TMEM132B: variants seen among roughly 807,000 people sequenced by gnomAD.
TMEM132B encodes transmembrane protein 132B.
TMEM132B carries 18 observed loss-of-function variants against 90.8 expected under a neutral mutation model. That is an observed-to-expected ratio of 0.20 (90% CI 0.14 to 0.29). The LOEUF (loss-of-function observed/expected upper bound fraction) is 0.29. Among genes scored for constraint, TMEM132B ranks in the 10% least tolerant of loss-of-function variants. The pLI, the probability that TMEM132B is intolerant of heterozygous loss-of-function variation, is 1.00. For missense variants in TMEM132B, 1,096 were observed against 1,326.8 expected (o/e 0.83, Z 2.70); for synonymous variants, 504 against 523.3 (o/e 0.96, Z 0.50).
chr12:125,643,946 G>A, intron 5 of TMEM132B, 130 bp from the exon 6 acceptor site: 1 of 756,960 alleles, frequency 1.3e-6, no homozygotes, highest in Non-Finnish European at 2.2e-6. Context: ...TTTTGTACAA[G>A]TTCTGTTCAT....
Position 125,492,943 on chromosome 12 carries a change from G to T in TMEM132B, c.1107-26496G>T, listed in dbSNP as rs1250761884. ...ACTATCTAAGGACGAATGGCAAAGA[G>T]CCTTGTGAATGAGAAATACCAGGCA... On this transcript the variant is annotated intron_variant, in intron 3 of 8. Coordinates refer to ENST00000682704, the MANE Select transcript of TMEM132B (RefSeq NM_001366854.1). The surrounding 1 kb of genome is among the most constrained non-coding windows in gnomAD (Gnocchi z 5.8). Among the ~76,000 whole-genome samples the T allele has an allele frequency of 6.6e-6, 1 of 152,210 alleles. No individual in the cohort carries two copies. The highest frequency in any genetic ancestry group is 1.5e-5 in the Non-Finnish European group (1 of 68,034).
At chr12:125,260,922 T>TAGTG (rs138498920) in intron 1 of TMEM132B, among the ~76,000 whole-genome samples, 6 of 148,152 alleles carry the variant, frequency 4.0e-5, no homozygotes, top group Non-Finnish European at 3.0e-5. Flanking sequence ...TCTCTACAGA[T>TAGTG]TGTGTGTGTG....
chr12:125,574,624 C>T (rs2136839666), intron 4 of TMEM132B, among the ~76,000 whole-genome samples: 1 of 152,246 alleles, frequency 6.6e-6, no homozygotes, highest in East Asian at 1.9e-4. Flanking sequence ...ATATTTAGGG[C>T]TGCTCACTCG....
At chr12:125,273,824 C>T (rs1298937480) in intron 1 of TMEM132B, among the ~76,000 whole-genome samples, 3 of 152,124 alleles carry the variant, frequency 2.0e-5, no homozygotes, top group Non-Finnish European at 2.9e-5. Flanking sequence ...TACCACCACA[C>T]GGGCTAATTT....
chr12:125,421,238 C>T (rs1880156624), intron 3 of TMEM132B, among the ~76,000 whole-genome samples: 3 of 152,228 alleles, frequency 2.0e-5, no homozygotes, highest in African/African-American at 7.2e-5. Flanking sequence ...CTACCTGTAC[C>T]AACTTACTGT....
intron 3 of TMEM132B, among the ~76,000 whole-genome samples, chr12:125,516,894 G>A (rs1382846442): frequency 6.6e-6 from 1 of 152,224 alleles, no homozygotes; most frequent in African/African-American, 2.4e-5. Context: ...CGTAGGAGGT[G>A]ACTTAACAGA....
rs77891946 is a variant in TMEM132B at position 125,605,578 on chromosome 12, T to C, written c.1437+21584T>C. 2.3e-3 allele frequency among the ~76,000 whole-genome samples: 349 copies of C among 152,328 alleles called. 2 individuals carry two copies. The highest frequency in any genetic ancestry group is 4.4e-3 in the Non-Finnish European group (297 of 68,030). On this transcript the variant is annotated intron_variant, in intron 5 of 8. Transcript: ENST00000682704. ...CATGTCAGTTGAGCAGAATTCCCTA[T>C]ATTAGTATGAAAAATCTCTCCTCTT...
Position 125,583,988 on chromosome 12 carries a change from C to T in TMEM132B, c.1431C>T (p.Val477=), listed in dbSNP as rs2136870064. The change falls in exon 5 of 9, where the codon GTC becomes GTT. Residue 477 remains valine, a synonymous_variant. Coordinates refer to ENST00000682704, the MANE Select transcript of TMEM132B (RefSeq NM_001366854.1). The part of the protein sequence containing the change: ...SVECKSADED[V]IKVSNNCDSI... ...AATGCAAGTCTGCCGATGAAGATGT[C>T]ATTAAGGTAAGGGGGGATTTATCTA... 1.2e-6 allele frequency: 2 copies of T among 1,614,152 alleles called. No individual in the cohort carries two copies. The highest frequency in any genetic ancestry group is 3.3e-4 in the Middle Eastern group (2 of 6,062).
In TMEM132B at chr12:125,415,147, C is replaced by T. The variant is rs1228668567; in HGVS notation, c.960-384C>T. ...TCTTCTGGCCTTGCACAACCCACCC[C>T]GCATCTTAAAGACTCTTCTCCATCT... On this transcript the variant is annotated intron_variant, in intron 2 of 8. Transcript: ENST00000682704. This position sits in a 1 kb window ranked among gnomAD's most constrained non-coding sequence, Gnocchi z 5.3. 6.6e-6 allele frequency among the ~76,000 whole-genome samples: 1 copy of T among 152,134 alleles called. No individual in the cohort carries two copies. The highest frequency in any genetic ancestry group is 1.5e-5 in the Non-Finnish European group (1 of 68,028).
rs568127539 is a variant in TMEM132B, at chr12:125,407,444, G to T, written c.960-8087G>T. ...CACAGAGCAGGTTTCCTTTTGCCCA[G>T]CTAGGTGGTGGATGCTATGGGCTGG... is the stretch of plus-strand genomic sequence containing the variant. On this transcript the variant is annotated intron_variant, in intron 2 of 8. Coordinates refer to ENST00000682704, the MANE Select transcript of TMEM132B (RefSeq NM_001366854.1). This position sits in a 1 kb window ranked among gnomAD's most constrained non-coding sequence, Gnocchi z 6.7. Among the ~76,000 whole-genome samples the T allele has an allele frequency of 6.6e-6, 1 of 152,238 alleles. No individual in the cohort carries two copies. Among genetic ancestry groups the T allele is most frequent in the African/African-American group, 2.4e-5 (1 of 41,466 alleles).
chr12:125,355,013 G>A (rs1340440317), intron 2 of TMEM132B, among the ~76,000 whole-genome samples: 2 of 151,960 alleles, frequency 1.3e-5, no homozygotes, highest in Non-Finnish European at 2.9e-5. Context: ...TGGTGGAATT[G>A]GGGTGCAGGC....
rs759790112 is a variant in TMEM132B at position 125,492,905 on chromosome 12, G to A, written c.1107-26534G>A. On this transcript the variant is annotated intron_variant, in intron 3 of 8. Transcript: ENST00000682704. The surrounding 1 kb of genome is among the most constrained non-coding windows in gnomAD (Gnocchi z 5.8). The stretch of plus-strand genomic sequence containing the variant: ...CAGGAAGGGAGATGAAAATAAACCC[G>A]TGAAGATAGATAACTATCTAAGGAC... Among the ~76,000 whole-genome samples the A allele has an allele frequency of 6.6e-6, 1 of 152,178 alleles. No homozygotes were observed. The highest frequency in any genetic ancestry group is 1.5e-5 in the Non-Finnish European group (1 of 68,028).
intron 2 of TMEM132B, among the ~76,000 whole-genome samples, chr12:125,392,384 T>G (rs1879050295): frequency 6.6e-6 from 1 of 152,174 alleles, no homozygotes; most frequent in Admixed American, 6.5e-5. Flanking sequence ...TGGAAATACA[T>G]TCACTCGCTT....
intron 1 of TMEM132B, among the ~76,000 whole-genome samples, chr12:125,319,912 A>G (rs564632835): frequency 4.6e-5 from 7 of 152,020 alleles, no homozygotes; most frequent in Non-Finnish European, 1.0e-4. Flanking sequence ...GCCACTTGGG[A>G]GGCTGAGGTG....
chr12:125,454,990 A>G (rs1881253974), intron 3 of TMEM132B, among the ~76,000 whole-genome samples: 1 of 152,252 alleles, frequency 6.6e-6, no homozygotes, highest in Non-Finnish European at 1.5e-5. Context: ...AAGGCCCTCA[A>G]GCAATCTGAA....
rs540650400 is a variant in TMEM132B, at chr12:125,374,637, C to G, written c.959+24294C>G. On this transcript the variant is annotated intron_variant, in intron 2 of 8. Transcript: ENST00000682704. ...GCAGAGATCCCTCTGCCCTGCACCC[C>G]CCGACCCCGCCCCGCCCCGGCTTCT... Among the ~76,000 whole-genome samples the G allele has an allele frequency of 6.4e-4, 97 of 151,920 alleles. 2 individuals are homozygous for G. In the South Asian group the frequency reaches 0.019, roughly 30 times the overall value.
intron 1 of TMEM132B, among the ~76,000 whole-genome samples, chr12:125,203,083 C>T (rs766996442): frequency 1.5e-4 from 23 of 152,186 alleles, no homozygotes; most frequent in Non-Finnish European, 2.5e-4. Context: ...CAGAAGCTTA[C>T]GTCTGCCTCT....
intron 2 of TMEM132B, among the ~76,000 whole-genome samples, chr12:125,372,169 G>A (rs1442206396): frequency 6.6e-6 from 1 of 152,186 alleles, no homozygotes; most frequent in Non-Finnish European, 1.5e-5. Context: ...TTGGAATCTA[G>A]CATTTATCCC....
At chr12:125,409,063 A>G (rs4036451) in intron 2 of TMEM132B, among the ~76,000 whole-genome samples, 4 of 152,144 alleles carry the variant, frequency 2.6e-5, no homozygotes, top group African/African-American at 9.7e-5. Context: ...CTTGGCTTCA[A>G]CTGTTATGGA....
Sources: allele counts gnomAD v4.1 joint callset (sites outside exome capture counted in the v4.1 genomes callset), GRCh38; gene constraint gnomAD v4.1.1; non-coding constraint Gnocchi (gnomAD v3.1); transcripts MANE v1.5; gene names NCBI Gene and HGNC (gene_info 2026-07-23, HGNC 2026-07-21).